Variants in ROCK1 observed in about 807,000 individuals in gnomAD.
ROCK1 encodes the protein Rho associated coiled-coil containing protein kinase 1.
ROCK1 carries 36 observed loss-of-function variants against 196.8 expected under a neutral mutation model. The observed-to-expected ratio is 0.18, with a 90% CI of 0.14 to 0.24. ROCK1 has a LOEUF of 0.24. Among genes scored for constraint, ROCK1 ranks in the 10% least tolerant of loss-of-function variants. The pLI is 1.00. For synonymous variants in ROCK1, 443 were observed against 515.9 expected (o/e 0.86, Z 1.91); for missense variants, 920 against 1,562.0 (o/e 0.59, Z 6.93).
chr18:21,024,286 T>A (rs1285989931), intron 10 of ROCK1, among the ~76,000 whole-genome samples: 3 of 152,104 alleles, frequency 2.0e-5, no homozygotes, highest in Non-Finnish European at 4.4e-5. Flanking sequence ...TTAAATTCAG[T>A]GTAAAGTTAG....
chr18:20,978,125 A>C (rs2035496954), intron 22 of ROCK1, among the ~76,000 whole-genome samples: 3 of 152,190 alleles, frequency 2.0e-5, no homozygotes, highest in Admixed American at 2.0e-4. Context: ...ACTTAATTGT[A>C]ATCAAGTCAA....
intron 1 of ROCK1, among the ~76,000 whole-genome samples, chr18:21,077,309 G>A (rs1365539259): frequency 1.3e-5 from 2 of 152,136 alleles, no homozygotes; most frequent in African/African-American, 4.8e-5. Context: ...TAGCAGACTG[G>A]TTCCTCCTCT....
chr18:20,997,688 T>G (rs1426321469), intron 16 of ROCK1, among the ~76,000 whole-genome samples: 1 of 152,186 alleles, frequency 6.6e-6, no homozygotes, highest in South Asian at 2.1e-4. Context: ...AGAATATACA[T>G]TCTCCTTAGC....
intron 2 of ROCK1, among the ~76,000 whole-genome samples, chr18:21,059,525 C>G (rs1014641763): frequency 2.0e-5 from 3 of 152,078 alleles, no homozygotes; most frequent in Non-Finnish European, 2.9e-5. Flanking sequence ...ACATTATATA[C>G]AAATGGAGAT....
chr18:21,024,911 T>C (rs2035943189), intron 10 of ROCK1, among the ~76,000 whole-genome samples: 2 of 152,180 alleles, frequency 1.3e-5, no homozygotes, highest in Admixed American at 6.5e-5. Context: ...CTACTAAGCA[T>C]CTCAGAAATT....
Position 21,079,681 on chromosome 18 carries a change from C to G in ROCK1, c.94-9068G>C, listed in dbSNP as rs184355631. 3.5e-4 allele frequency among the ~76,000 whole-genome samples: 54 copies of G among 152,278 alleles called. No homozygotes were observed. In the East Asian group the frequency reaches 0.01, roughly 28 times the overall value. On this transcript the variant is annotated intron_variant, in intron 1 of 32. Transcript: ENST00000399799. ...ATTGCTCCTCTGGAGCCCGCTTTAGCTCTGGGGAACTACTCCCTGTGGGTT... is the reference window on the plus strand; with the variant it reads ...ATTGCTCCTCTGGAGCCCGCTTTAGGTCTGGGGAACTACTCCCTGTGGGTT...
At chr18:21,104,530 G>A (rs1272008921) in intron 1 of ROCK1, among the ~76,000 whole-genome samples, 1 of 152,200 alleles carries the variant, frequency 6.6e-6, no homozygotes, top group African/African-American at 2.4e-5. Context: ...CCAGGAGGTG[G>A]AGCTTGCAGT....
chr18:21,045,256 A>G, intron 5 of ROCK1, 36 bp downstream of exon 5: 1 of 1,533,054 alleles, frequency 6.5e-7, no homozygotes, highest in Non-Finnish European at 8.8e-7. Context: ...TATTTCCCTC[A>G]ACAAATGAGA....
At chr18:21,037,533 G>C (rs1244631748) in intron 9 of ROCK1, among the ~76,000 whole-genome samples, 1 of 152,090 alleles carries the variant, frequency 6.6e-6, no homozygotes, top group Non-Finnish European at 1.5e-5. Context: ...GAAGGGGTAG[G>C]AAGAGGGGAA....
chr18:20,954,764 A>G lies in ROCK1; in HGVS notation c.3853+19T>C. ...AATTAAATTTGTTATAAGTTGTAAC[A>G]ATAATTACCATGCCTTACCTTTACA... On this transcript the variant is annotated intron_variant, in intron 31 of 32. Coordinates refer to ENST00000399799, the MANE Select transcript of ROCK1 (RefSeq NM_005406.3). 1.3e-6 allele frequency: 2 copies of G among 1,559,410 alleles called. No individual in the cohort carries two copies. The highest frequency in any genetic ancestry group is 1.7e-6 in the Non-Finnish European group (2 of 1,156,256).
chr18:20,973,011 T>G (rs1343333736), intron 22 of ROCK1, among the ~76,000 whole-genome samples: 1 of 151,092 alleles, frequency 6.6e-6, no homozygotes, highest in African/African-American at 2.4e-5. Flanking sequence ...TCCCGAGTAG[T>G]TGGGATTACA....
In ROCK1 at chr18:21,067,811, C is replaced by T. The variant is rs1280796635; in HGVS notation, c.175+2721G>A. On this transcript the variant is annotated intron_variant, in intron 2 of 32. Coordinates refer to ENST00000399799, the MANE Select transcript of ROCK1 (RefSeq NM_005406.3). ...ACGTCTAAGAAACCACTGCTTAGTC[C>T]GAGGTCATGAAGATTTCAACCTATG... Among the ~76,000 whole-genome samples, 8 of 152,206 alleles carry T rather than the reference C, an allele frequency of 5.3e-5. No homozygotes were observed. In the South Asian group the frequency reaches 1.2e-3, roughly 24 times the overall value.
intron 10 of ROCK1, among the ~76,000 whole-genome samples, chr18:21,026,943 T>C (rs1220646793): frequency 1.3e-5 from 2 of 149,982 alleles, no homozygotes; most frequent in African/African-American, 2.4e-5. Flanking sequence ...TTCTTTCTTT[T>C]TTTTTTTTTT....
rs1415552718 is a variant in ROCK1, at chr18:21,049,812, T to C, written c.244A>G (p.Ile82Val). ...KAEDYEVVKV[I>V]GRGAFGEVQL... ...ACTTCTCCAAATGCACCTCTACCAATCACCTTCACTACTTCATAATCTTCA... is the reference window on the plus strand; with the variant it reads ...ACTTCTCCAAATGCACCTCTACCAACCACCTTCACTACTTCATAATCTTCA... Residue 82 changes from isoleucine to valine, a missense_variant, in exon 3 of 33, where the codon ATT (isoleucine) becomes GTT (valine). Transcript: ENST00000399799. 6.2e-7 allele frequency: 1 copy of C among 1,608,210 alleles called. No individual in the cohort carries two copies. Among genetic ancestry groups the C allele is most frequent in the Admixed American group, 1.7e-5 (1 of 59,234 alleles).
intron 10 of ROCK1, among the ~76,000 whole-genome samples, chr18:21,028,456 G>T (rs2035979911): frequency 6.6e-6 from 1 of 151,930 alleles, no homozygotes; most frequent in Non-Finnish European, 1.5e-5. Context: ...AAGTCTACAT[G>T]TTGTTTCAAA....
chr18:20,970,849 T>A (rs146099398), intron 22 of ROCK1, among the ~76,000 whole-genome samples: 1 of 152,188 alleles, frequency 6.6e-6, no homozygotes. Context: ...CATTGACTTG[T>A]TAATCAGCAG....
intron 9 of ROCK1, among the ~76,000 whole-genome samples, chr18:21,036,998 G>C (rs945922622): frequency 6.6e-6 from 1 of 151,926 alleles, no homozygotes; most frequent in African/African-American, 2.4e-5. Flanking sequence ...AACAGGTAAC[G>C]ATCTTTAAAT....
At chr18:21,090,155 T>C (rs1044250414) in intron 1 of ROCK1, among the ~76,000 whole-genome samples, 1 of 152,224 alleles carries the variant, frequency 6.6e-6, no homozygotes, top group African/African-American at 2.4e-5. Context: ...ACTTAGAAAA[T>C]ACTGGTTCCT....
At chr18:21,032,557 T>C (rs1269556847) in intron 9 of ROCK1, among the ~76,000 whole-genome samples, 5 of 148,122 alleles carry the variant, frequency 3.4e-5, no homozygotes, top group Admixed American at 2.7e-4. Flanking sequence ...CAGGAGTGCA[T>C]TGCACTACAC....
Sources: allele counts gnomAD v4.1 joint callset (sites outside exome capture counted in the v4.1 genomes callset), GRCh38; gene constraint gnomAD v4.1.1; transcripts MANE v1.5; gene names NCBI Gene and HGNC (gene_info 2026-07-23, HGNC 2026-07-21).